The following TAFA1 variants were observed in gnomAD, a reference collection of about 807,000 sequenced individuals.
The protein encoded by TAFA1 is TAFA chemokine like family member 1.
Under a neutral mutation model 18.5 loss-of-function variants are expected in TAFA1, and 4 were observed. That is an observed-to-expected ratio of 0.22 (90% CI 0.11 to 0.49). TAFA1 has a LOEUF of 0.49. Ranked by LOEUF, TAFA1 falls within the 20% of genes least tolerant of loss-of-function variation. TAFA1 has a pLI of 0.98. For synonymous variants in TAFA1, 56 were observed against 55.2 expected (o/e 1.01, Z -0.06); for missense variants, 147 against 169.0 (o/e 0.87, Z 0.72).
intron 2 of TAFA1, among the ~76,000 whole-genome samples, chr3:68,393,890 A>G (rs183195140): frequency 6.6e-5 from 10 of 152,262 alleles, no homozygotes; most frequent in Admixed American, 5.2e-4. Flanking sequence ...ATTTATGACA[A>G]AACCACAGCC....
At chr3:68,229,224 A>AG (rs1287582022) in intron 2 of TAFA1, among the ~76,000 whole-genome samples, 1 of 152,226 alleles carries the variant, frequency 6.6e-6, no homozygotes, top group African/African-American at 2.4e-5. Flanking sequence ...CTTCATTGGC[A>AG]GTCAAGCAGA....
chr3:68,002,678 A>G (rs922183036), upstream of TAFA1, among the ~76,000 whole-genome samples: 2 of 151,838 alleles, frequency 1.3e-5, no homozygotes, highest in African/African-American at 2.4e-5. Context: ...ATTTTTTTGG[A>G]TTTTTTTTCC....
In TAFA1 at chr3:68,194,401, C is replaced by T. The variant is rs112844756; in HGVS notation, c.118+187657C>T. Among the ~76,000 whole-genome samples, 1,291 of 151,728 alleles carry T rather than the reference C, an allele frequency of 8.5e-3. 19 individuals are homozygous for T. Among genetic ancestry groups the T allele is most frequent in the African/African-American group, 0.029 (1,183 of 41,418 alleles). ...GGTGTGCAAGATTGGAATTCCATAGCCACTGAGAACAAATTAAAAAGATGA... is the reference window on the plus strand; with the variant it reads ...GGTGTGCAAGATTGGAATTCCATAGTCACTGAGAACAAATTAAAAAGATGA... On this transcript the variant is annotated intron_variant, in intron 2 of 4. Transcript: ENST00000478136.
chr3:68,151,042 A>T (rs1321528206), intron 2 of TAFA1, among the ~76,000 whole-genome samples: 1 of 151,676 alleles, frequency 6.6e-6, no homozygotes, highest in Non-Finnish European at 1.5e-5. Context: ...TATGACTTAA[A>T]CTCAGGATGG....
chr3:67,997,043 C>T, the TAFA1 span, among the ~76,000 whole-genome samples: 1 of 151,638 alleles, frequency 6.6e-6, no homozygotes, highest in Non-Finnish European at 1.5e-5. Flanking sequence ...ACATCAAGAA[C>T]CTAATCTGGA....
intron 2 of TAFA1, among the ~76,000 whole-genome samples, chr3:68,176,739 A>G (rs2066131482): frequency 6.6e-6 from 1 of 152,224 alleles, no homozygotes; most frequent in Non-Finnish European, 1.5e-5. Flanking sequence ...CACCCAGGCC[A>G]CATAAAATAG....
intron 3 of TAFA1, among the ~76,000 whole-genome samples, chr3:68,503,696 C>T (rs548537523): frequency 5.6e-4 from 85 of 151,970 alleles, no homozygotes; most frequent in Middle Eastern, 3.2e-3. Flanking sequence ...TGAATTTTAC[C>T]GAATCGTTTT....
intron 2 of TAFA1, among the ~76,000 whole-genome samples, chr3:68,113,875 A>G (rs1306189262): frequency 1.4e-5 from 2 of 141,600 alleles, no homozygotes; most frequent in Non-Finnish European, 3.0e-5. Context: ...ACAGTGTGAC[A>G]GTTTGGGGTG....
At chr3:67,999,727 G>A (rs1704263699), upstream of TAFA1, among the ~76,000 whole-genome samples, 1 of 151,506 alleles carries the variant, frequency 6.6e-6, no homozygotes, top group African/African-American at 2.4e-5. Context: ...GTACAGGCCA[G>A]TTTCCTTTAC....
At chr3:68,448,617 T>G (rs2071513676) in intron 3 of TAFA1, among the ~76,000 whole-genome samples, 2 of 152,148 alleles carry the variant, frequency 1.3e-5, no homozygotes, top group African/African-American at 4.8e-5. Flanking sequence ...ATTTTTTTTT[T>G]TTTCTATTTA....
At chr3:68,489,455 T>A (rs2072410803) in intron 3 of TAFA1, among the ~76,000 whole-genome samples, 1 of 152,196 alleles carries the variant, frequency 6.6e-6, no homozygotes, top group Non-Finnish European at 1.5e-5. Context: ...ATAAAATATA[T>A]CTGTAGGCCA....
chr3:68,370,480 A>ATG, intron 2 of TAFA1, among the ~76,000 whole-genome samples: 2 of 32,774 alleles, frequency 6.1e-5, no homozygotes, highest in East Asian at 2.2e-3. Flanking sequence ...GTGTATATAT[A>ATG]TATATATATA....
chr3:68,236,900 G>T (rs1047599882), intron 2 of TAFA1, among the ~76,000 whole-genome samples: 2 of 152,142 alleles, frequency 1.3e-5, no homozygotes, highest in Non-Finnish European at 2.9e-5. Context: ...ATCAATAAGA[G>T]CTCATAAAAC....
At chr3:68,326,235 A>ATTTC (rs2068775687) in intron 2 of TAFA1, among the ~76,000 whole-genome samples, 1 of 152,166 alleles carries the variant, frequency 6.6e-6, no homozygotes, top group Non-Finnish European at 1.5e-5. Flanking sequence ...TTTTACTGAT[A>ATTTC]CTATTATTGA....
chr3:68,447,448 A>G (rs543151593), intron 3 of TAFA1, among the ~76,000 whole-genome samples: 2 of 152,282 alleles, frequency 1.3e-5, no homozygotes, highest in South Asian at 4.1e-4. Context: ...TCCACTATGC[A>G]TCACTTGCTC....
At chr3:68,003,131 T>C (rs916573104), upstream of TAFA1, among the ~76,000 whole-genome samples, 7 of 152,186 alleles carry the variant, frequency 4.6e-5, no homozygotes, top group African/African-American at 1.7e-4. Context: ...AGAGGTAAGA[T>C]TTAGAGAACA....
intron 2 of TAFA1, among the ~76,000 whole-genome samples, chr3:68,367,747 C>CTGTTTGTTTGTT (rs145539567): frequency 2.0e-5 from 3 of 151,906 alleles, no homozygotes; most frequent in East Asian, 1.9e-4. Flanking sequence ...CTTGTGTTGC[C>CTGTTTGTTTGTT]TGTTTGTTTG....
chr3:68,248,180 A>G (rs1432534084), intron 2 of TAFA1, among the ~76,000 whole-genome samples: 2 of 152,242 alleles, frequency 1.3e-5, no homozygotes, highest in African/African-American at 2.4e-5. Flanking sequence ...AAGCTAAATG[A>G]TTCAAACACT....
intron 2 of TAFA1, among the ~76,000 whole-genome samples, chr3:68,175,149 A>G (rs973520916): frequency 4.6e-5 from 7 of 151,622 alleles, no homozygotes; most frequent in Non-Finnish European, 8.8e-5. Context: ...GATGTATGGA[A>G]ACACCTGGAT....
Sources: allele counts gnomAD v4.1 joint callset (sites outside exome capture counted in the v4.1 genomes callset), GRCh38; gene constraint gnomAD v4.1.1; transcripts MANE v1.5; gene names NCBI Gene and HGNC (gene_info 2026-07-23, HGNC 2026-07-21).